The following OR4C13 variants were observed in gnomAD, a reference collection of about 807,000 sequenced individuals.
The protein encoded by OR4C13 is olfactory receptor 4C13.
OR4C13 carries 23 observed loss-of-function variants against 14.7 expected under a neutral mutation model. The observed-to-expected ratio is 1.57, with a 90% CI of 1.13 to 2.22. The LOEUF (loss-of-function observed/expected upper bound fraction) is 2.22, where lower values mean the gene tolerates loss of function less well. Among genes scored for constraint, OR4C13 ranks in the 30% most tolerant of loss-of-function variants. The probability of loss-of-function intolerance (pLI) is 0.00; values close to 1 mark genes in which losing one functional copy is unlikely to be tolerated. For synonymous variants in OR4C13, 178 were observed against 135.5 expected, an observed-to-expected ratio of 1.31 and a Z score of -2.18; for missense variants, 504 against 368.6, an observed-to-expected ratio of 1.37 and a Z score of -3.01.
At position 49,953,389 on chromosome 11, in the gene OR4C13, G is replaced by A. The variant is rs544979267; in HGVS notation, c.*37G>A. 3.7e-4 allele frequency: 413 copies of A among 1,102,004 alleles called. 2 individuals are homozygous for A. Among genetic ancestry groups the A allele is most frequent in the African/African-American group, 3.2e-3 (205 of 63,094 alleles). The allele number at this position is 1,102,004 out of a possible 1,614,324, so 68.3% of individuals were successfully genotyped here. A position where few individuals can be genotyped will look rare whatever the true frequency, so the allele number is the denominator to read the frequency against. On this transcript the variant is annotated 3_prime_UTR_variant, in exon 1 of 1. Transcript: ENST00000555099. ...GCCCAACATGATTCAGCTGAGGCAA[G>A]GGTCAAAAGGACATTTTGGGTAATG...
chr11:49,952,471 G>A lies in OR4C13; in HGVS notation c.49G>A (p.Glu17Lys), dbSNP rs1382984564. 6.2e-7 allele frequency: 1 copy of A among 1,613,406 alleles called. No homozygotes were observed. Among genetic ancestry groups the A allele is most frequent in the East Asian group, 2.2e-5 (1 of 44,890 alleles). Residue 17 changes from glutamate (E) to lysine (K), a missense_variant, in exon 1 of 1, where the codon GAG becomes AAG. Transcript: ENST00000555099. ...AGAGTTTATTCTATTGGGGCTTACAGAGAATCCAAAAATGCAGAAAATCAT... is the reference window on the plus strand; with the variant it reads ...AGAGTTTATTCTATTGGGGCTTACAAAGAATCCAAAAATGCAGAAAATCAT... ...VTEFILLGLT[E>K]NPKMQKIIFV...
At position 49,952,411 on chromosome 11, in the gene OR4C13, C is replaced by G. The variant is rs782248294; in HGVS notation, c.-12C>G. 1.9e-6 allele frequency: 3 copies of G among 1,547,572 alleles called. No homozygotes were observed. Among genetic ancestry groups the G allele is most frequent in the Non-Finnish European group, 2.7e-6 (3 of 1,127,498 alleles). ...CTTTTCAGGTAATGTAATTAACCAT[C>G]ATTTGAAATACATGGCGAATAGAAA... On this transcript the variant is annotated 5_prime_UTR_variant, in exon 1 of 1. The change creates a new upstream start codon in the 5' untranslated region. Coordinates refer to ENST00000555099, the MANE Select transcript of OR4C13 (RefSeq NM_001001955.2).
chr11:49,953,199 T>A lies in OR4C13; in HGVS notation c.777T>A (p.Pro259=). ...CCTGCATATTTGTGTACATGAGACCTCCAGCTACTTTACCCATTGATAAAG... is the reference window on the plus strand; with the variant it reads ...CCTGCATATTTGTGTACATGAGACCACCAGCTACTTTACCCATTGATAAAG... ...FIPCIFVYMR[P]PATLPIDKAV... is the part of the protein sequence containing the mutation. Residue 259 remains proline, a synonymous_variant, in exon 1 of 1, where the codon CCT becomes CCA. Coordinates refer to ENST00000555099, the MANE Select transcript of OR4C13 (RefSeq NM_001001955.2). 1 of 1,613,410 alleles carries A rather than the reference T, an allele frequency of 6.2e-7. No homozygotes were observed. The highest frequency in any genetic ancestry group is 8.5e-7 in the Non-Finnish European group (1 of 1,179,382).
In OR4C13 at chr11:49,952,903, A is replaced by T; in HGVS notation, c.481A>T (p.Ile161Phe). 3.1e-6 allele frequency: 5 copies of T among 1,613,950 alleles called. No individual in the cohort carries two copies. The highest frequency in any genetic ancestry group is 4.2e-6 in the Non-Finnish European group (5 of 1,179,912). Reference protein sequence around the residue: ...FLHATIQILFICQLPFCGPNV... With the variant: ...FLHATIQILFFCQLPFCGPNV... ...TCATGCAACCATACAGATCCTCTTC[A>T]TCTGTCAATTACCTTTCTGTGGTCC... Residue 161 changes from isoleucine to phenylalanine, a missense_variant, in exon 1 of 1, where the codon ATC (isoleucine) becomes TTC (phenylalanine). Ile to Phe is a conservative substitution (Grantham distance 21). Transcript: ENST00000555099.
At position 49,952,801 on chromosome 11, in the gene OR4C13, C is replaced by A. The variant is rs1449821806; in HGVS notation, c.379C>A (p.Pro127Thr). 6.2e-7 allele frequency: 1 copy of A among 1,613,874 alleles called. No individual in the cohort carries two copies. The highest frequency in any genetic ancestry group is 8.5e-7 in the Non-Finnish European group (1 of 1,179,898). ...TGACCACTATGTGGCCATCTGCAAG[C>A]CCTTGCACTATACCACCGTCATGAA... ...AYDHYVAICK[P>T]LHYTTVMKQH... The change falls in exon 1 of 1, where the codon CCC (proline) becomes ACC (threonine). Residue 127 changes from proline to threonine, a missense_variant. By Grantham distance (38) the Pro-to-Thr change is conservative. Transcript: ENST00000555099.
Position 49,952,575 on chromosome 11 carries a change from A to G in OR4C13, c.153A>G (p.Pro51=). Residue 51 remains proline (P), a synonymous_variant, in exon 1 of 1, where the codon CCA becomes CCG. Coordinates refer to ENST00000555099, the MANE Select transcript of OR4C13 (RefSeq NM_001001955.2). ...TTGTGGTCACCATCACTGCCAGCCC[A>G]TCACTGAGATCCCCCATGTACTTTT... is the stretch of plus-strand genomic sequence containing the variant. ...VLIVVTITAS[P]SLRSPMYFFL... 2.5e-6 allele frequency: 4 copies of G among 1,613,904 alleles called. No homozygotes were observed. Among genetic ancestry groups the G allele is most frequent in the East Asian group, 4.5e-5 (2 of 44,876 alleles).
In OR4C13 at chr11:49,952,553, T is replaced by C. The variant is rs145904351; in HGVS notation, c.131T>C (p.Val44Ala). Residue 44 changes from valine (V) to alanine (A), a missense_variant, in exon 1 of 1, where the codon GTG becomes GCG. Val to Ala is a moderately conservative substitution (Grantham distance 64). Coordinates refer to ENST00000555099, the MANE Select transcript of OR4C13 (RefSeq NM_001001955.2). ...GCCATGATAGGAAATGTGCTCATTGTGGTCACCATCACTGCCAGCCCATCA... is the reference window on the plus strand; with the variant it reads ...GCCATGATAGGAAATGTGCTCATTGCGGTCACCATCACTGCCAGCCCATCA... ...INAMIGNVLI[V>A]VTITASPSLR... 5 of 1,613,916 alleles carry C rather than the reference T, an allele frequency of 3.1e-6. No individual in the cohort carries two copies. The highest frequency in any genetic ancestry group is 4.2e-6 in the Non-Finnish European group (5 of 1,179,812).
chr11:49,953,136 T>C lies in OR4C13; in HGVS notation c.714T>C (p.Cys238=). The C allele has an allele frequency of 6.2e-7, 1 of 1,613,814 alleles. No homozygotes were observed. The highest frequency in any genetic ancestry group is 1.1e-5 in the South Asian group (1 of 91,074). The part of the protein sequence containing the change: ...LEARHEALST[C]VSHITVVILS... ...CAAGGCACGAAGCCCTCTCTACCTG[T>C]GTCTCCCACATCACAGTTGTCATCT... The change falls in exon 1 of 1, where the codon TGT becomes TGC. Residue 238 remains cysteine (C), a synonymous_variant. Coordinates refer to ENST00000555099, the MANE Select transcript of OR4C13 (RefSeq NM_001001955.2).
chr11:49,953,268 C>T lies in OR4C13; in HGVS notation c.846C>T (p.Pro282=), dbSNP rs1400779983. ...FYTMITSMLN[P]LIYTLRNAQM... is the part of the protein sequence containing the mutation. ...CTATGATAACTTCTATGTTAAACCCCTTAATCTACACCTTGAGGAATGCTC... is the reference window on the plus strand; with the variant it reads ...CTATGATAACTTCTATGTTAAACCCTTTAATCTACACCTTGAGGAATGCTC... The change falls in exon 1 of 1, where the codon CCC becomes CCT. Residue 282 remains proline, a synonymous_variant. Transcript: ENST00000555099. 9 of 1,611,682 alleles carry T rather than the reference C, an allele frequency of 5.6e-6. No individual in the cohort carries two copies. Among genetic ancestry groups the T allele is most frequent in the Admixed American group, 5.0e-5 (3 of 59,964 alleles).
Position 49,953,218 on chromosome 11 carries a change from G to A in OR4C13, c.796G>A (p.Asp266Asn), listed in dbSNP as rs140572207. 6.2e-7 allele frequency: 1 copy of A among 1,612,376 alleles called. No homozygotes were observed. Among genetic ancestry groups the A allele is most frequent in the South Asian group, 1.1e-5 (1 of 91,036 alleles). The change falls in exon 1 of 1, where the codon GAT (aspartate) becomes AAT (asparagine). Residue 266 changes from aspartate to asparagine, a missense_variant. Transcript: ENST00000555099. ...GAGACCTCCAGCTACTTTACCCATT[G>A]ATAAAGCAGTTGCTGTATTCTACAC... ...YMRPPATLPI[D>N]KAVAVFYTMI... is the part of the protein sequence containing the mutation.
In OR4C13 at chr11:49,952,501, G is replaced by GTTGTGTT. The variant is rs1853651176; in HGVS notation, c.82_88dup (p.Ser30CysfsTer41). 1 of 1,613,254 alleles carries GTTGTGTT rather than the reference G, an allele frequency of 6.2e-7. No homozygotes were observed. Among genetic ancestry groups the GTTGTGTT allele is most frequent in the Non-Finnish European group, 8.5e-7 (1 of 1,179,400 alleles). On this transcript the variant is annotated frameshift_variant, in exon 1 of 1. Coordinates refer to ENST00000555099, the MANE Select transcript of OR4C13 (RefSeq NM_001001955.2). LOFTEE classifies it high-confidence loss of function. ...TCCAAAAATGCAGAAAATCATATTTGTTGTGTTTTCTGTCATCTACATCAA... is the reference window on the plus strand; with the variant it reads ...TCCAAAAATGCAGAAAATCATATTTGTTGTGTTTTGTGTTTTCTGTCATCTACATCAA...
In OR4C13 at chr11:49,952,485, G is replaced by T. The variant is rs781882603; in HGVS notation, c.63G>T (p.Met21Ile). The T allele has an allele frequency of 1.2e-6, 2 of 1,613,424 alleles. No individual in the cohort carries two copies. Among genetic ancestry groups the T allele is most frequent in the African/African-American group, 1.3e-5 (1 of 74,906 alleles). ...ILLGLTENPK[M>I]QKIIFVVFSV... ...TGGGGCTTACAGAGAATCCAAAAAT[G>T]CAGAAAATCATATTTGTTGTGTTTT... Residue 21 changes from methionine to isoleucine, a missense_variant, in exon 1 of 1, where the codon ATG becomes ATT. Transcript: ENST00000555099.
Position 49,953,016 on chromosome 11 carries a change from T to C in OR4C13, c.594T>C (p.Ala198=). ...CCCACACTCTAGGACTCTTCATTGCTGCCAACAGTGGGTTCATATGCCTGT... is the reference window on the plus strand; with the variant it reads ...CCCACACTCTAGGACTCTTCATTGCCGCCAACAGTGGGTTCATATGCCTGT... ...TNTHTLGLFI[A]ANSGFICLLN... is the part of the protein sequence containing the mutation. Residue 198 remains alanine, a synonymous_variant, in exon 1 of 1, where the codon GCT becomes GCC. Coordinates refer to ENST00000555099, the MANE Select transcript of OR4C13 (RefSeq NM_001001955.2). The C allele has an allele frequency of 6.2e-7, 1 of 1,613,932 alleles. No homozygotes were observed. Among genetic ancestry groups the C allele is most frequent in the Non-Finnish European group, 8.5e-7 (1 of 1,179,826 alleles).
Position 49,953,054 on chromosome 11 carries a change from T to G in OR4C13, c.632T>G (p.Leu211Trp). ...TTCATATGCCTGTTAAACTGTCTCT[T>G]GCTCCTGGTCTCCTGCGTGGTCATA... is the stretch of plus-strand genomic sequence containing the variant. ...SGFICLLNCLLLLVSCVVILY... is the reference protein window; with the variant it reads ...SGFICLLNCLWLLVSCVVILY... The change falls in exon 1 of 1, where the codon TTG (leucine) becomes TGG (tryptophan). Residue 211 changes from leucine to tryptophan, a missense_variant. Leu to Trp is a moderately conservative substitution (Grantham distance 61). Transcript: ENST00000555099. 4 of 1,613,950 alleles carry G rather than the reference T, an allele frequency of 2.5e-6. No individual in the cohort carries two copies. Among genetic ancestry groups the G allele is most frequent in the Non-Finnish European group, 3.4e-6 (4 of 1,179,856 alleles).
rs1853671081 is a variant in OR4C13, at chr11:49,953,326, A to C, written c.904A>C (p.Arg302=). Residue 302 remains arginine (R), a synonymous_variant, in exon 1 of 1, where the codon AGG becomes CGG. Coordinates refer to ENST00000555099, the MANE Select transcript of OR4C13 (RefSeq NM_001001955.2). The stretch of plus-strand genomic sequence containing the variant: ...AAATGCCATTAGGAAATTGTGTAGT[A>C]GGAAAGCTATTTCAAGTGTCAAATA... ...MKNAIRKLCS[R]KAISSVK is the part of the protein sequence containing the mutation. 6.3e-7 allele frequency: 1 copy of C among 1,581,822 alleles called. No homozygotes were observed. Among genetic ancestry groups the C allele is most frequent in the African/African-American group, 1.3e-5 (1 of 74,362 alleles).
Position 49,952,737 on chromosome 11 carries a change from C to G in OR4C13, c.315C>G (p.Phe105Leu). 3.1e-6 allele frequency: 5 copies of G among 1,614,028 alleles called. No homozygotes were observed. The highest frequency in any genetic ancestry group is 4.2e-6 in the Non-Finnish European group (5 of 1,179,946). Residue 105 changes from phenylalanine (F) to leucine (L), a missense_variant, in exon 1 of 1, where the codon TTC becomes TTG. Physicochemically the swap from Phe to Leu is conservative, Grantham distance 22. Coordinates refer to ENST00000555099, the MANE Select transcript of OR4C13 (RefSeq NM_001001955.2). Reference protein sequence around the residue: ...CMTQVFGEHFFRGVEVILLTV... With the variant: ...CMTQVFGEHFLRGVEVILLTV... ...CTCAAGTCTTTGGAGAACATTTTTT[C>G]AGAGGTGTTGAGGTCATCCTACTTA... is the stretch of plus-strand genomic sequence containing the variant.
rs147550726 is a variant in OR4C13 at position 49,952,545 on chromosome 11, G to A, written c.123G>A (p.Val41=). 6.2e-7 allele frequency: 1 copy of A among 1,613,640 alleles called. No homozygotes were observed. The highest frequency in any genetic ancestry group is 1.7e-5 in the Admixed American group (1 of 59,980). Residue 41 remains valine, a synonymous_variant, in exon 1 of 1, where the codon GTG becomes GTA. Transcript: ENST00000555099. ...ACATCAACGCCATGATAGGAAATGT[G>A]CTCATTGTGGTCACCATCACTGCCA... is the stretch of plus-strand genomic sequence containing the variant. The part of the protein sequence containing the change: ...VIYINAMIGN[V]LIVVTITASP...
Position 49,952,807 on chromosome 11 carries a change from C to A in OR4C13, c.385C>A (p.His129Asn), listed in dbSNP as rs146099605. ...DHYVAICKPLHYTTVMKQHVC... is the reference protein window; with the variant it reads ...DHYVAICKPLNYTTVMKQHVC... Reference sequence around the variant, plus strand: ...CTATGTGGCCATCTGCAAGCCCTTGCACTATACCACCGTCATGAAGCAGCA... The same window carrying A: ...CTATGTGGCCATCTGCAAGCCCTTGAACTATACCACCGTCATGAAGCAGCA... Residue 129 changes from histidine (H) to asparagine (N), a missense_variant, in exon 1 of 1, where the codon CAC (histidine) becomes AAC (asparagine). Coordinates refer to ENST00000555099, the MANE Select transcript of OR4C13 (RefSeq NM_001001955.2). 9 of 1,613,932 alleles carry A rather than the reference C, an allele frequency of 5.6e-6. No homozygotes were observed. In the African/African-American group the frequency reaches 1.1e-4, roughly 19 times the overall value.
At position 49,952,427 on chromosome 11, in the gene OR4C13, C is replaced by T. The variant is rs28378220; in HGVS notation, c.5C>T (p.Ala2Val). 82,717 of 1,587,908 alleles carry T rather than the reference C, an allele frequency of 0.052. 2,787 individuals are homozygous for T. Among genetic ancestry groups the T allele is most frequent in the East Asian group, 0.17 (7,398 of 44,524 alleles). M[A>V]NRNNVTEFIL... ...ATTAACCATCATTTGAAATACATGG[C>T]GAATAGAAACAATGTGACAGAGTTT... Residue 2 changes from alanine (A) to valine (V), a missense_variant, in exon 1 of 1, where the codon GCG (alanine) becomes GTG (valine). By Grantham distance (64) the Ala-to-Val change is moderately conservative. Coordinates refer to ENST00000555099, the MANE Select transcript of OR4C13 (RefSeq NM_001001955.2).
Sources: allele counts gnomAD v4.1 joint callset, GRCh38; gene constraint gnomAD v4.1.1; transcripts MANE v1.5; gene names NCBI Gene and HGNC (gene_info 2026-07-23, HGNC 2026-07-21).